AGPAT3: variants seen among roughly 807,000 people sequenced by gnomAD.
AGPAT3 encodes the protein 1-acylglycerol-3-phosphate O-acyltransferase 3.
Under a neutral mutation model 47.3 loss-of-function variants are expected in AGPAT3, and 5 were observed. That is an observed-to-expected ratio of 0.11 (90% CI 0.06 to 0.22). AGPAT3 has a LOEUF of 0.22. Among genes scored for constraint, AGPAT3 ranks in the 10% least tolerant of loss-of-function variants. AGPAT3 has a pLI of 1.00. For synonymous variants in AGPAT3, 212 were observed against 208.3 expected, an observed-to-expected ratio of 1.02 and a Z score of -0.15; for missense variants, 315 against 493.0, an observed-to-expected ratio of 0.64 and a Z score of 3.42.
chr21:43,874,049 T>G (rs1013459717), intron 1 of AGPAT3, among the ~76,000 whole-genome samples: 5 of 152,236 alleles, frequency 3.3e-5, no homozygotes, highest in Admixed American at 1.3e-4. Context: ...TTATTATTAT[T>G]TTTTGAGACA....
chr21:43,972,238 C>T (rs765806402), intron 7 of AGPAT3, among the ~76,000 whole-genome samples: 47 of 152,044 alleles, frequency 3.1e-4, no homozygotes, highest in Non-Finnish European at 5.4e-4. Context: ...TCCGCCTCCC[C>T]GGTTCAAGCA....
At chr21:43,872,934 ACT>A (rs1325509137) in intron 1 of AGPAT3, among the ~76,000 whole-genome samples, 2 of 152,374 alleles carry the variant, frequency 1.3e-5, no homozygotes, top group Non-Finnish European at 2.9e-5. Context: ...TGGAAGATCC[ACT>A]GTCATGGGTC....
intron 8 of AGPAT3, among the ~76,000 whole-genome samples, chr21:43,980,542 A>T (rs536731773): frequency 3.8e-4 from 58 of 152,296 alleles, no homozygotes; most frequent in Middle Eastern, 3.4e-3. Context: ...GAGGTATGCG[A>T]GGTTAAGGAA....
intron 2 of AGPAT3, among the ~76,000 whole-genome samples, chr21:43,919,585 A>T: frequency 6.6e-6 from 1 of 152,216 alleles, no homozygotes; most frequent in East Asian, 1.9e-4. Context: ...TGCAATTGCA[A>T]GTCATCTTGC....
At chr21:43,960,495 C>T (rs1324906564) in intron 3 of AGPAT3, 1 of 154,144 alleles carries the variant, frequency 6.5e-6, no homozygotes, top group Non-Finnish European at 1.4e-5. Flanking sequence ...TGGCCGTCAA[C>T]AGTTTAAGTG....
intron 5 of AGPAT3, among the ~76,000 whole-genome samples, chr21:43,969,840 G>T (rs2089319144): frequency 6.6e-6 from 1 of 152,038 alleles, no homozygotes; most frequent in African/African-American, 2.4e-5. Flanking sequence ...TGACATTACA[G>T]GTGCGTGCCA....
chr21:43,980,553 C>G (rs568644689), intron 8 of AGPAT3, among the ~76,000 whole-genome samples: 2 of 152,242 alleles, frequency 1.3e-5, no homozygotes, highest in Non-Finnish European at 2.9e-5. Context: ...GGTTAAGGAA[C>G]TTTCCTTGGG....
At chr21:43,951,786 AG>A (rs1320463940) in intron 2 of AGPAT3, among the ~76,000 whole-genome samples, 1 of 152,224 alleles carries the variant, frequency 6.6e-6, no homozygotes, top group African/African-American at 2.4e-5. Context: ...AGAGAAAACC[AG>A]GGACTCCTCT....
At chr21:43,928,007 A>T (rs998676017) in intron 2 of AGPAT3, among the ~76,000 whole-genome samples, 3 of 152,186 alleles carry the variant, frequency 2.0e-5, no homozygotes, top group Non-Finnish European at 4.4e-5. Flanking sequence ...TCCCTCTCCA[A>T]GGAGCTGGGC....
At chr21:43,911,723 G>A (rs143048500) in intron 2 of AGPAT3, among the ~76,000 whole-genome samples, 1 of 152,362 alleles carries the variant, frequency 6.6e-6, no homozygotes, top group East Asian at 1.9e-4. Context: ...CAGGTAAAGG[G>A]CTCTATGCAT....
At chr21:43,931,019 A>C (rs552475740) in intron 2 of AGPAT3, among the ~76,000 whole-genome samples, 42 of 152,228 alleles carry the variant, frequency 2.8e-4, no homozygotes, top group Middle Eastern at 3.4e-3. Flanking sequence ...TCAGGGACTC[A>C]GCGTGGGGCC....
rs546342132 is a variant in AGPAT3 at position 43,880,490 on chromosome 21, T to G, written c.-112+15145T>G. Among the ~76,000 whole-genome samples the G allele has an allele frequency of 6.6e-6, 1 of 152,326 alleles. No individual in the cohort carries two copies. The highest frequency in any genetic ancestry group is 2.1e-4 in the South Asian group (1 of 4,824). The stretch of plus-strand genomic sequence containing the variant: ...AGGTCTCTACTGCCAGGAGCTCAGC[T>G]TTGATCTTGAGTGCTGGTGGCTGTC... On this transcript the variant is annotated intron_variant, in intron 1 of 9. Coordinates refer to ENST00000291572, the MANE Select transcript of AGPAT3 (RefSeq NM_020132.5). The surrounding 1 kb of genome is among the most constrained non-coding windows in gnomAD (Gnocchi z 4.5).
chr21:43,940,602 G>A (rs374251862), intron 2 of AGPAT3, among the ~76,000 whole-genome samples: 5 of 152,230 alleles, frequency 3.3e-5, no homozygotes, highest in Admixed American at 6.5e-5. Context: ...CCATCTGGGC[G>A]GTGTTTGTAG....
At chr21:43,898,636 C>T (rs968911157) in intron 1 of AGPAT3, among the ~76,000 whole-genome samples, 1 of 152,192 alleles carries the variant, frequency 6.6e-6, no homozygotes, top group Admixed American at 6.5e-5. Context: ...AAGCAATTCT[C>T]CTGCCTCAGC....
chr21:43,967,965 G>C lies in AGPAT3; in HGVS notation c.198G>C (p.Glu66Asp). 1 of 1,614,044 alleles carries C rather than the reference G, an allele frequency of 6.2e-7. No homozygotes were observed. Among genetic ancestry groups the C allele is most frequent in the Non-Finnish European group, 8.5e-7 (1 of 1,179,990 alleles). ...CCGCAGAACTGGTCATGCTGCTGGA[G>C]TGGTGGTCCTGCACGGAGTGTACAC... ...SLWSQLVMLL[E>D]WWSCTECTLF... is the part of the protein sequence containing the mutation. The change falls in exon 4 of 10, where the codon GAG becomes GAC. Residue 66 changes from glutamate (E) to aspartate (D), a missense_variant. Glu to Asp is a conservative substitution (Grantham distance 45). Coordinates refer to ENST00000291572, the MANE Select transcript of AGPAT3 (RefSeq NM_020132.5).
At chr21:43,892,250 C>T (rs528680438) in intron 1 of AGPAT3, among the ~76,000 whole-genome samples, 4 of 150,886 alleles carry the variant, frequency 2.7e-5, no homozygotes, top group Non-Finnish European at 5.9e-5. Context: ...GAGGTTGCAG[C>T]GAGCTGAGAT....
chr21:43,903,410 C>T (rs984150077), intron 1 of AGPAT3, among the ~76,000 whole-genome samples: 6 of 152,208 alleles, frequency 3.9e-5, no homozygotes, highest in Non-Finnish European at 8.8e-5. Context: ...TGTTAGTGGA[C>T]GTCACCACAA....
chr21:43,977,972 G>T, intron 7 of AGPAT3, 74 bp from the exon 8 acceptor site: 2 of 1,249,816 alleles, frequency 1.6e-6, no homozygotes, highest in Non-Finnish European at 2.3e-6. Context: ...CACACGACAT[G>T]TTCCCCTGTG....
intron 1 of AGPAT3, among the ~76,000 whole-genome samples, chr21:43,874,057 A>G (rs1034606468): frequency 1.3e-5 from 2 of 152,134 alleles, no homozygotes; most frequent in African/African-American, 4.8e-5. Context: ...ATTTTTTGAG[A>G]CAGAGTCTCC....
Sources: gnomAD v4.1 joint callset for allele counts (sites outside exome capture counted in the v4.1 genomes callset) on GRCh38, gnomAD v4.1.1 for gene constraint, Gnocchi (gnomAD v3.1) non-coding constraint, MANE v1.5 for transcripts, NCBI Gene and HGNC (gene_info 2026-07-23, HGNC 2026-07-21) for gene names.